POLQ: variants seen among roughly 807,000 people sequenced by gnomAD.
POLQ encodes the protein DNA polymerase theta, also known as epididymis secretory sperm binding protein.
POLQ carries 233 observed loss-of-function variants against 259.2 expected under a neutral mutation model. The observed-to-expected ratio is 0.90, with a 90% CI of 0.81 to 1.00. The LOEUF is 1.00. Ranked by LOEUF, POLQ falls within the 50% of genes least tolerant of loss-of-function variation. The pLI is 0.00. For synonymous variants in POLQ, 1,025 were observed against 1,048.8 expected, an observed-to-expected ratio of 0.98 and a Z score of 0.44; for missense variants, 2,871 against 3,051.6, an observed-to-expected ratio of 0.94 and a Z score of 1.39.
chr3:121,488,326 T>C lies in POLQ; in HGVS notation c.4605A>G (p.Lys1535=). 1 of 1,612,734 alleles carries C rather than the reference T, an allele frequency of 6.2e-7. No individual in the cohort carries two copies. ...SLCLQEDLIK[K]SNVNENQDTH... ...TATCTTGATTCTCATTTACATTTGA[T>C]TTTTTAATTAGGTCTTCTTGTAGAC... is the stretch of plus-strand genomic sequence containing the variant. The change falls in exon 16 of 30, where the codon AAA becomes AAG. Residue 1535 remains lysine, a synonymous_variant. Transcript: ENST00000264233.
At chr3:121,542,400 A>G (rs949321144) in intron 2 of POLQ, among the ~76,000 whole-genome samples, 22 of 152,146 alleles carry the variant, frequency 1.4e-4, no homozygotes, top group African/African-American at 7.2e-5. Flanking sequence ...AAAAAAAGAA[A>G]AAAGAAAGGA....
Position 121,539,535 on chromosome 3 carries a change from G to C in POLQ, c.529C>G (p.Pro177Ala). ...KVDGYMGSTS[P>A]SRHFSSLDIA... ...TCCAATGAAGAGAAATGCCTTGATG[G>C]AGAGGTGCTGCCCATATAACCGTCT... Residue 177 changes from proline to alanine, a missense_variant, in exon 4 of 30, where the codon CCA becomes GCA. Transcript: ENST00000264233. 1 of 1,612,318 alleles carries C rather than the reference G, an allele frequency of 6.2e-7. No homozygotes were observed. Among genetic ancestry groups the C allele is most frequent in the East Asian group, 2.2e-5 (1 of 44,864 alleles).
intron 15 of POLQ, among the ~76,000 whole-genome samples, chr3:121,490,756 T>C (rs986612748): frequency 6.6e-5 from 10 of 152,160 alleles, no homozygotes; most frequent in African/African-American, 2.4e-4. Context: ...CATAAAACTT[T>C]CATTGAAAAA....
At chr3:121,445,834 G>A (rs1174755109) in intron 26 of POLQ, among the ~76,000 whole-genome samples, 1 of 150,706 alleles carries the variant, frequency 6.6e-6, no homozygotes, top group Non-Finnish European at 1.5e-5. Flanking sequence ...CTGCCCACCA[G>A]CCTGGGTGAC....
At chr3:121,448,145 C>T (rs1256289269) in intron 26 of POLQ, among the ~76,000 whole-genome samples, 1 of 152,090 alleles carries the variant, frequency 6.6e-6, no homozygotes, top group Non-Finnish European at 1.5e-5. Context: ...GCCAATAACT[C>T]TTAGAAGATT....
intron 12 of POLQ, 94 bp from the exon 13 acceptor site, chr3:121,498,764 G>T: frequency 1.2e-6 from 1 of 858,734 alleles, no homozygotes; most frequent in Non-Finnish European, 1.8e-6. Flanking sequence ...AGCCAGGCAT[G>T]ATGGTATGTG....
intron 24 of POLQ, among the ~76,000 whole-genome samples, chr3:121,466,489 G>A (rs557543438): frequency 6.6e-6 from 1 of 151,926 alleles, no homozygotes; most frequent in East Asian, 1.9e-4. Flanking sequence ...TTGGGAGTTC[G>A]AGACCAGCCT....
intron 19 of POLQ, among the ~76,000 whole-genome samples, chr3:121,479,024 A>G (rs1473175569): frequency 6.6e-6 from 1 of 152,240 alleles, no homozygotes; most frequent in Non-Finnish European, 1.5e-5. Context: ...CAGGTTTTAG[A>G]TAATGAATCG....
intron 25 of POLQ, among the ~76,000 whole-genome samples, chr3:121,454,574 G>A (rs1215487457): frequency 6.6e-6 from 1 of 152,048 alleles, no homozygotes; most frequent in Admixed American, 6.6e-5. Flanking sequence ...AAAAGCAGGG[G>A]TTGCAATCCT....
At chr3:121,534,111 C>T (rs1022163206) in intron 5 of POLQ, among the ~76,000 whole-genome samples, 7 of 149,968 alleles carry the variant, frequency 4.7e-5, no homozygotes, top group Non-Finnish European at 7.4e-5. Flanking sequence ...CTCCTGACCT[C>T]GTGATCCACC....
Position 121,488,910 on chromosome 3 carries a change from T to G in POLQ, c.4021A>C (p.Lys1341Gln), listed in dbSNP as rs1479839459. Residue 1341 changes from lysine to glutamine, a missense_variant, in exon 16 of 30, where the codon AAA (lysine) becomes CAA (glutamine). By Grantham distance (53) the Lys-to-Gln change is moderately conservative. This residue lies in a region of POLQ where 2,080 missense variants were observed against 2,126.0 expected (regional missense o/e 0.98). Coordinates refer to ENST00000264233, the MANE Select transcript of POLQ (RefSeq NM_199420.4). ...IIQQMATENA[K>Q]LGAKDTNLAA... Reference sequence around the variant, plus strand: ...AGGTTGGTGTCCTTTGCTCCTAGTTTGGCATTTTCAGTTGCCATCTGTTGT... The same window carrying G: ...AGGTTGGTGTCCTTTGCTCCTAGTTGGGCATTTTCAGTTGCCATCTGTTGT... 6.2e-7 allele frequency: 1 copy of G among 1,614,070 alleles called. No individual in the cohort carries two copies. The highest frequency in any genetic ancestry group is 1.7e-5 in the Admixed American group (1 of 60,008).
intron 9 of POLQ, among the ~76,000 whole-genome samples, chr3:121,516,839 T>C (rs1459748448): frequency 6.6e-6 from 1 of 152,200 alleles, no homozygotes; most frequent in East Asian, 1.9e-4. Context: ...CATTCTTCAT[T>C]AGCTTGAAGT....
chr3:121,486,467 T>C (rs1430364551), intron 16 of POLQ, among the ~76,000 whole-genome samples: 2 of 152,104 alleles, frequency 1.3e-5, no homozygotes, highest in Non-Finnish European at 2.9e-5. Flanking sequence ...GGCAGGAGAA[T>C]TGCTTGAACC....
Position 121,488,628 on chromosome 3 carries a change from C to T in POLQ, c.4303G>A (p.Val1435Ile), listed in dbSNP as rs761319459. The change falls in exon 16 of 30, where the codon GTT becomes ATT. Residue 1435 changes from valine to isoleucine, a missense_variant. Physicochemically the swap from Val to Ile is conservative, Grantham distance 29. This residue lies in a region of POLQ where 2,080 missense variants were observed against 2,126.0 expected (regional missense o/e 0.98). Coordinates refer to ENST00000264233, the MANE Select transcript of POLQ (RefSeq NM_199420.4). Reference protein sequence around the residue: ...ENGLFLKKNEVSVTDSQLNSF... With the variant: ...ENGLFLKKNEISVTDSQLNSF... ...TTTAATTGTGAATCAGTAACAGAAACTTCATTCTTTTTTAAAAAAAGACCA... is the reference window on the plus strand; with the variant it reads ...TTTAATTGTGAATCAGTAACAGAAATTTCATTCTTTTTTAAAAAAAGACCA... 6.2e-7 allele frequency: 1 copy of T among 1,601,962 alleles called. No individual in the cohort carries two copies. Among genetic ancestry groups the T allele is most frequent in the African/African-American group, 1.4e-5 (1 of 73,974 alleles).
chr3:121,543,010 C>T (rs2048501562), intron 2 of POLQ, among the ~76,000 whole-genome samples: 1 of 151,944 alleles, frequency 6.6e-6, no homozygotes, highest in South Asian at 2.1e-4. Context: ...ACTTTGGCTG[C>T]AGGAGCAGGG....
At chr3:121,497,028 G>C in intron 13 of POLQ, 96 bp from the exon 14 acceptor site, 1 of 1,218,728 alleles carries the variant, frequency 8.2e-7, no homozygotes, top group East Asian at 2.4e-5. Context: ...AAAGGCAACA[G>C]AGGGCTTATA....
chr3:121,469,059 T>G (rs1301674725), intron 22 of POLQ, among the ~76,000 whole-genome samples: 1 of 151,890 alleles, frequency 6.6e-6, no homozygotes, highest in Non-Finnish European at 1.5e-5. Context: ...TGATGGCGGG[T>G]GCCTGCAATC....
chr3:121,509,853 G>A (rs1223762398), intron 11 of POLQ, 150 bp from the exon 12 acceptor site: 2 of 876,808 alleles, frequency 2.3e-6, no homozygotes, highest in Non-Finnish European at 3.5e-6. Flanking sequence ...GTATGAGCAG[G>A]CTCTATCATA....
rs702017 is a variant in POLQ at position 121,544,873 on chromosome 3, C to A, written c.197G>T (p.Arg66Ile). The A allele has an allele frequency of 1, 1,607,323 of 1,610,492 alleles. 802,129 individuals are homozygous for A. Among genetic ancestry groups the A allele is most frequent in the East Asian group, 1 (44,838 of 44,838 alleles). ...ECKPTVPDYE[R>I]DKLLLANWGL... ...CCAGTTTGCCAATAGTAGCTTGTCT[C>A]TTTCGTAGTCAGGAACTGTAGGCTT... The change falls in exon 2 of 30, where the codon AGA (arginine) becomes ATA (isoleucine). Residue 66 changes from arginine (R) to isoleucine (I), a missense_variant. This residue lies in a region of POLQ where 783 missense variants were observed against 906.2 expected (regional missense o/e 0.86). Coordinates refer to ENST00000264233, the MANE Select transcript of POLQ (RefSeq NM_199420.4).
Sources: allele counts gnomAD v4.1 joint callset (sites outside exome capture counted in the v4.1 genomes callset), GRCh38; gene constraint gnomAD v4.1.1; regional missense constraint gnomAD v4.1.1; transcripts MANE v1.5; gene names NCBI Gene and HGNC (gene_info 2026-07-23, HGNC 2026-07-21).